Variants in PIGN observed in about 807,000 individuals in gnomAD.
PIGN encodes the protein GPI ethanolamine phosphate transferase 1.
Under a neutral mutation model 125.4 loss-of-function variants are expected in PIGN, and 117 were observed. That is an observed-to-expected ratio of 0.93 (90% confidence interval 0.80 to 1.09). The LOEUF (loss-of-function observed/expected upper bound fraction) is 1.09. Ranked by LOEUF, PIGN falls within the 50% of genes least tolerant of loss-of-function variation. The pLI is 0.00. For missense variants in PIGN, 1,075 were observed against 1,094.9 expected, an observed-to-expected ratio of 0.98 and a Z score of 0.26; for synonymous variants, 392 against 377.8, an observed-to-expected ratio of 1.04 and a Z score of -0.44.
intron 1 of PIGN, among the ~76,000 whole-genome samples, chr18:62,182,995 T>C (rs2037770047): frequency 6.6e-6 from 1 of 152,174 alleles, no homozygotes; most frequent in South Asian, 2.1e-4. Context: ...ATATTAGAGT[T>C]AGATAGAAGG....
chr18:62,162,067 G>T (rs139795503), intron 3 of PIGN, among the ~76,000 whole-genome samples, 186 bp downstream of exon 3: 50 of 152,058 alleles, frequency 3.3e-4, no homozygotes, highest in African/African-American at 1.1e-3. Flanking sequence ...CAATCAAAAA[G>T]GTTATGTTTT....
At chr18:62,059,142 T>A (rs1380521433) in intron 30 of PIGN, 1 of 124,372 alleles carries the variant, frequency 8.0e-6, no homozygotes, top group Non-Finnish European at 1.6e-5. Flanking sequence ...GCAGTGGTGA[T>A]CACCTCACTG....
chr18:62,032,654 T>C (rs987106013), intron 23 of PIGN, among the ~76,000 whole-genome samples: 4 of 152,204 alleles, frequency 2.6e-5, no homozygotes, highest in Non-Finnish European at 4.4e-5. Context: ...AACTATGCAT[T>C]TAAAATTTTT....
At chr18:62,176,398 G>A (rs945758906) in intron 1 of PIGN, among the ~76,000 whole-genome samples, 1 of 151,894 alleles carries the variant, frequency 6.6e-6, no homozygotes, top group African/African-American at 2.4e-5. Flanking sequence ...AAGTTTCAGG[G>A]AAACAGGATA....
intron 23 of PIGN, among the ~76,000 whole-genome samples, chr18:62,094,094 GT>G (rs1241105285): frequency 6.6e-6 from 1 of 151,896 alleles, no homozygotes; most frequent in East Asian, 1.9e-4. Flanking sequence ...ATGATAATTT[GT>G]TTGGGCATCT....
At chr18:62,157,657 A>G in intron 5 of PIGN, 30 bp downstream of exon 5, 1 of 1,592,844 alleles carries the variant, frequency 6.3e-7, no homozygotes, top group Middle Eastern at 1.7e-4. Flanking sequence ...CAAATTTTTC[A>G]TTTCATAAGA....
In PIGN at chr18:62,072,741, AAG is replaced by A; in HGVS notation, c.2620-18_2620-17del. 1.3e-6 allele frequency: 2 copies of A among 1,568,346 alleles called. No individual in the cohort carries two copies. The highest frequency in any genetic ancestry group is 1.7e-6 in the Non-Finnish European group (2 of 1,157,500). ...AGAAAAAATGCTGTAAAAAAAAAAA[AAG>A]GCTTAATGAAAAACAAAGCTATTTA... On this transcript the variant is annotated splice_polypyrimidine_tract_variant and intron_variant, in intron 29 of 30. Transcript: ENST00000640252.
intron 14 of PIGN, among the ~76,000 whole-genome samples, chr18:62,128,166 T>A (rs543064530): frequency 6.6e-6 from 1 of 152,282 alleles, no homozygotes; most frequent in South Asian, 2.1e-4. Context: ...CATTTAAAAA[T>A]CACTATACTA....
At chr18:62,056,885 G>C (rs944158959) in intron 30 of PIGN, 2 of 152,240 alleles carry the variant, frequency 1.3e-5, no homozygotes, top group African/African-American at 4.8e-5. Flanking sequence ...ACAGGAGCAC[G>C]AACTCTATTG....
chr18:62,045,835 C>A lies in PIGN; in HGVS notation c.*21G>T. 1.9e-6 allele frequency: 3 copies of A among 1,612,490 alleles called. No homozygotes were observed. Among genetic ancestry groups the A allele is most frequent in the Non-Finnish European group, 2.5e-6 (3 of 1,179,046 alleles). ...TAAAAGGAGAATCAGGATCCAGATG[C>A]TGAATGGTGCTTCAGCAACCTCACA... is the stretch of plus-strand genomic sequence containing the variant. On this transcript the variant is annotated 3_prime_UTR_variant, in exon 31 of 31. Coordinates refer to ENST00000640252, the MANE Select transcript of PIGN (RefSeq NM_176787.5).
intron 11 of PIGN, among the ~76,000 whole-genome samples, chr18:62,141,012 T>C (rs1425825846): frequency 6.6e-6 from 1 of 152,190 alleles, no homozygotes; most frequent in Non-Finnish European, 1.5e-5. Flanking sequence ...GTTCATGCTT[T>C]TTCTATCTTC....
chr18:62,077,481 A>G (rs2033236172), intron 28 of PIGN, among the ~76,000 whole-genome samples: 1 of 152,196 alleles, frequency 6.6e-6, no homozygotes, highest in Non-Finnish European at 1.5e-5. Flanking sequence ...AGATAATTAT[A>G]TTACTGTGTG....
At chr18:62,138,070 C>T in intron 14 of PIGN, 173 bp downstream of exon 14, 1 of 876,596 alleles carries the variant, frequency 1.1e-6, no homozygotes, top group East Asian at 3.1e-5. Context: ...TTATCTAGCA[C>T]CTGGCTCATT....
At chr18:62,106,137 T>C (rs1599532838) in intron 19 of PIGN, among the ~76,000 whole-genome samples, 1 of 152,334 alleles carries the variant, frequency 6.6e-6, no homozygotes, top group Non-Finnish European at 1.5e-5. Context: ...GTAAAACTAC[T>C]TTTGTAATTA....
Position 62,072,656 on chromosome 18 carries a change from G to A in PIGN, c.2672+17C>T. ...TTATCCCTGTTGTTAAGCAATGCAT[G>A]ACCATATATACTATACCTTGTCCCA... On this transcript the variant is annotated intron_variant, in intron 30 of 30. Transcript: ENST00000640252. 1 of 1,586,456 alleles carries A rather than the reference G, an allele frequency of 6.3e-7. No homozygotes were observed. The highest frequency in any genetic ancestry group is 1.1e-5 in the South Asian group (1 of 87,748).
At chr18:62,168,191 A>T (rs768745083) in intron 1 of PIGN, among the ~76,000 whole-genome samples, 1 of 152,186 alleles carries the variant, frequency 6.6e-6, no homozygotes, top group Non-Finnish European at 1.5e-5. Context: ...TCTCAAAAAA[A>T]AAAAAATTCT....
chr18:62,019,776 T>C (rs2030029692), intron 23 of PIGN, among the ~76,000 whole-genome samples: 1 of 152,198 alleles, frequency 6.6e-6, no homozygotes, highest in African/African-American at 2.4e-5. Context: ...TAAGCAACAA[T>C]AACACTGGAC....
intron 30 of PIGN, chr18:62,072,410 T>C (rs1204765012): frequency 3.6e-6 from 1 of 279,394 alleles, no homozygotes; most frequent in Non-Finnish European, 6.6e-6. Context: ...CTGAATTTTT[T>C]ACTATACCTT....
intron 14 of PIGN, among the ~76,000 whole-genome samples, chr18:62,130,754 A>T (rs918707994): frequency 3.3e-5 from 5 of 151,812 alleles, no homozygotes; most frequent in East Asian, 1.9e-4. Context: ...TTTGTTACAA[A>T]TTTTTTTTGC....
Sources: gnomAD v4.1 joint callset for allele counts (sites outside exome capture counted in the v4.1 genomes callset) on GRCh38, gnomAD v4.1.1 for gene constraint, MANE v1.5 for transcripts, NCBI Gene and HGNC (gene_info 2026-07-23, HGNC 2026-07-21) for gene names.